TTC23: variants seen among roughly 807,000 people sequenced by gnomAD.
TTC23 encodes tetratricopeptide repeat protein 23.
TTC23 carries 58 observed loss-of-function variants against 55.1 expected under a neutral mutation model. The ratio of observed to expected loss-of-function variants is 1.05; its 90% CI spans 0.85 to 1.31. The LOEUF (loss-of-function observed/expected upper bound fraction) is 1.31, where lower values mean the gene tolerates loss of function less well. TTC23 is among the 50% of genes most tolerant of loss of function. TTC23 has a pLI of 0.00. For synonymous variants in TTC23, 203 were observed against 199.9 expected, an observed-to-expected ratio of 1.02 and a Z score of -0.13; for missense variants, 516 against 534.4, an observed-to-expected ratio of 0.97 and a Z score of 0.34.
chr15:99,185,597 G>A (rs535545050), intron 9 of TTC23, among the ~76,000 whole-genome samples: 1 of 152,322 alleles, frequency 6.6e-6, no homozygotes, highest in East Asian at 1.9e-4. Flanking sequence ...AGCAACCCAA[G>A]CTAGCACTGT....
Position 99,162,096 on chromosome 15 carries a change from C to T in TTC23, c.866-229G>A, listed in dbSNP as rs146332086. On this transcript the variant is annotated intron_variant, in intron 10 of 13. Transcript: ENST00000394132. Reference sequence around the variant, plus strand: ...TTAATTTTCATACATCTAGCTTTCCCGGTGATACATAAAGAAAAGTTACTG... The same window carrying T: ...TTAATTTTCATACATCTAGCTTTCCTGGTGATACATAAAGAAAAGTTACTG... 7.9e-5 allele frequency among the ~76,000 whole-genome samples: 12 copies of T among 152,172 alleles called. No individual in the cohort carries two copies. In the South Asian group the frequency reaches 1.2e-3, roughly 16 times the overall value.
chr15:99,218,253 G>T (rs758112006), intron 8 of TTC23, among the ~76,000 whole-genome samples: 4 of 152,128 alleles, frequency 2.6e-5, no homozygotes, highest in Non-Finnish European at 5.9e-5. Context: ...AAGCATTTTA[G>T]ACTGGAGCAG....
intron 9 of TTC23, among the ~76,000 whole-genome samples, chr15:99,175,438 C>A (rs2073433578): frequency 6.6e-6 from 1 of 152,204 alleles, no homozygotes. Context: ...CCAGTGTCAG[C>A]AAAGGAAGGG....
At chr15:99,220,198 G>A (rs773662001) in intron 6 of TTC23, among the ~76,000 whole-genome samples, 2 of 152,162 alleles carry the variant, frequency 1.3e-5, no homozygotes, top group Middle Eastern at 3.2e-3. Context: ...ATTATAAAAC[G>A]TTGGCCTCAG....
At chr15:99,247,691 G>T (rs1407296948) in intron 1 of TTC23, among the ~76,000 whole-genome samples, 1 of 152,012 alleles carries the variant, frequency 6.6e-6, no homozygotes, top group Admixed American at 6.6e-5. Context: ...TGGGGCTGGG[G>T]ATAGGAAACC....
rs1416510379 is a variant in TTC23 at position 99,139,388 on chromosome 15, G to C, written c.1155C>G (p.Ile385Met). Residue 385 changes from isoleucine to methionine, a missense_variant, in exon 13 of 14, where the codon ATC becomes ATG. Transcript: ENST00000394132. ...CCTGCGGTCCATATAAGAGGGTCTG[G>C]ATCTGGAGACACTGTAGAACACCAA... Reference protein sequence around the residue: ...ARKKLKKCLQIQTLLYGPQDK... With the variant: ...ARKKLKKCLQMQTLLYGPQDK... 2 of 1,614,030 alleles carry C rather than the reference G, an allele frequency of 1.2e-6. No individual in the cohort carries two copies. The highest frequency in any genetic ancestry group is 1.7e-6 in the Non-Finnish European group (2 of 1,180,028).
chr15:99,173,539 T>C lies in TTC23; in HGVS notation c.865+1511A>G, dbSNP rs566519394. On this transcript the variant is annotated intron_variant, in intron 10 of 13. Coordinates refer to ENST00000394132, the MANE Select transcript of TTC23 (RefSeq NM_001288615.3). ...AGTCTGAGGCTGCAGTGGGCTATAA[T>C]TGCGCCACTGCATTCCAGCCTGGGT... Among the ~76,000 whole-genome samples the C allele has an allele frequency of 3.9e-5, 6 of 152,284 alleles. No homozygotes were observed. The East Asian group carries it at 5.8e-4, about 15-fold the overall frequency.
intron 11 of TTC23, among the ~76,000 whole-genome samples, chr15:99,161,348 C>T (rs1470093260): frequency 1.3e-5 from 2 of 152,292 alleles, no homozygotes; most frequent in East Asian, 3.9e-4. Flanking sequence ...TACTAAACAA[C>T]TGAGCTGTAA....
At chr15:99,204,336 G>A (rs2076432293) in intron 8 of TTC23, among the ~76,000 whole-genome samples, 2 of 152,036 alleles carry the variant, frequency 1.3e-5, no homozygotes, top group Admixed American at 1.3e-4. Flanking sequence ...AAATCAGTTT[G>A]TCTTTTTCTA....
chr15:99,192,800 C>T (rs190451635), intron 9 of TTC23, among the ~76,000 whole-genome samples: 338 of 152,238 alleles, frequency 2.2e-3, no homozygotes, highest in Middle Eastern at 0.02. Flanking sequence ...CAGTTTGCAC[C>T]GTGTGCCTGG....
intron 8 of TTC23, among the ~76,000 whole-genome samples, chr15:99,205,551 G>GC (rs2076555328): frequency 6.9e-6 from 1 of 145,750 alleles, no homozygotes. Flanking sequence ...TTATTGCTAG[G>GC]TTTTTTTTTG....
chr15:99,239,540 T>A (rs2152091504), intron 3 of TTC23, among the ~76,000 whole-genome samples: 1 of 151,742 alleles, frequency 6.6e-6, no homozygotes, highest in South Asian at 2.1e-4. Context: ...AATAAAAACG[T>A]TAAAGGTCAA....
chr15:99,205,161 CTA>C (rs1325620057), intron 8 of TTC23, among the ~76,000 whole-genome samples: 3 of 152,164 alleles, frequency 2.0e-5, no homozygotes, highest in African/African-American at 7.2e-5. Context: ...GTCTATGTGT[CTA>C]TTTTTATGCC....
intron 5 of TTC23, among the ~76,000 whole-genome samples, chr15:99,227,129 G>C (rs539846441): frequency 6.6e-6 from 1 of 152,326 alleles, no homozygotes; most frequent in East Asian, 1.9e-4. Context: ...GTGAGTATCT[G>C]TTGCATAATG....
intron 12 of TTC23, chr15:99,139,799 T>C (rs2068016098): frequency 8.1e-7 from 1 of 1,233,438 alleles, no homozygotes; most frequent in Non-Finnish European, 1.1e-6. Flanking sequence ...ATACTCTACT[T>C]TTATTAATAT....
intron 9 of TTC23, among the ~76,000 whole-genome samples, chr15:99,179,858 T>C (rs1193245792): frequency 6.6e-6 from 1 of 152,240 alleles, no homozygotes; most frequent in Non-Finnish European, 1.5e-5. Context: ...TGCTGGGCAG[T>C]GAGGCTTCCT....
chr15:99,203,699 TC>T (rs1403209614), intron 8 of TTC23, among the ~76,000 whole-genome samples: 10 of 151,896 alleles, frequency 6.6e-5, no homozygotes, highest in African/African-American at 1.2e-4. Context: ...TTCTTTTTTT[TC>T]TTTCTTTTTT....
intron 2 of TTC23, among the ~76,000 whole-genome samples, chr15:99,242,284 T>C (rs1158384963): frequency 6.6e-6 from 1 of 151,422 alleles, no homozygotes; most frequent in Non-Finnish European, 1.5e-5. Context: ...AAAAAAATAG[T>C]GATAAAAAAA....
At chr15:99,239,191 T>C (rs146965561) in intron 3 of TTC23, among the ~76,000 whole-genome samples, 158 of 152,096 alleles carry the variant, frequency 1.0e-3, no homozygotes, top group African/African-American at 3.7e-3. Flanking sequence ...CTCCTAAAAA[T>C]GTTAAAGGTC....
Sources: allele counts gnomAD v4.1 joint callset (sites outside exome capture counted in the v4.1 genomes callset), GRCh38; gene constraint gnomAD v4.1.1; transcripts MANE v1.5; gene names NCBI Gene and HGNC (gene_info 2026-07-23, HGNC 2026-07-21).